ANKS1B: variants seen among roughly 807,000 people sequenced by gnomAD.
The protein encoded by ANKS1B is ankyrin repeat and sterile alpha motif domain-containing protein 1B.
Under a neutral mutation model 148.3 loss-of-function variants are expected in ANKS1B, and 36 were observed. The observed-to-expected ratio is 0.24, with a 90% confidence interval of 0.19 to 0.32. The LOEUF (loss-of-function observed/expected upper bound fraction) is 0.32. Ranked by LOEUF, ANKS1B falls within the 10% of genes least tolerant of loss-of-function variation. ANKS1B has a pLI of 1.00. For missense variants in ANKS1B, 1,157 were observed against 1,542.6 expected (o/e 0.75, Z 4.19); for synonymous variants, 542 against 560.8 (o/e 0.97, Z 0.47).
At chr12:98,939,338 A>G (rs1350089887) in intron 17 of ANKS1B, among the ~76,000 whole-genome samples, 1 of 152,222 alleles carries the variant, frequency 6.6e-6, no homozygotes, top group African/African-American at 2.4e-5. Flanking sequence ...TAATTTGGGC[A>G]TTGCTGCTCT....
intron 17 of ANKS1B, among the ~76,000 whole-genome samples, chr12:99,031,390 C>T (rs895185236): frequency 2.6e-5 from 4 of 152,172 alleles, no homozygotes; most frequent in Admixed American, 1.3e-4. Flanking sequence ...ACAGATGTTA[C>T]CAGTTGGCCA....
At chr12:99,326,921 A>C (rs1368940809) in intron 12 of ANKS1B, among the ~76,000 whole-genome samples, 1 of 147,888 alleles carries the variant, frequency 6.8e-6, no homozygotes, top group East Asian at 1.9e-4. Flanking sequence ...AACATATATA[A>C]AATATAAAGT....
At chr12:99,270,027 C>T (rs1388386553) in intron 12 of ANKS1B, among the ~76,000 whole-genome samples, 2 of 152,032 alleles carry the variant, frequency 1.3e-5, no homozygotes, top group Non-Finnish European at 2.9e-5. Flanking sequence ...AAAAAGATAG[C>T]AACAATATTA....
chr12:99,648,768 G>T (rs2098398457), intron 9 of ANKS1B: 1 of 1,612,162 alleles, frequency 6.2e-7, no homozygotes, highest in South Asian at 1.1e-5. Context: ...CTGTGTTGGA[G>T]GAAGTGCAGA....
chr12:99,173,592 C>T (rs1209924312), intron 14 of ANKS1B, among the ~76,000 whole-genome samples: 2 of 151,994 alleles, frequency 1.3e-5, no homozygotes, highest in Non-Finnish European at 2.9e-5. Context: ...AATTAACAGA[C>T]TAAAATATAT....
intron 8 of ANKS1B, among the ~76,000 whole-genome samples, chr12:99,714,873 C>A (rs1355304324): frequency 6.6e-6 from 1 of 151,710 alleles, no homozygotes; most frequent in Admixed American, 6.6e-5. Flanking sequence ...AATCCCAGCA[C>A]TTTGGGAAGC....
At chr12:99,647,917 C>A (rs1376600434) in intron 9 of ANKS1B, 2 of 471,896 alleles carry the variant, frequency 4.2e-6, no homozygotes, top group Non-Finnish European at 7.5e-6. Context: ...AGGGCCCCAA[C>A]ACCTGTGCTC....
chr12:99,695,187 A>G (rs2053705661), intron 8 of ANKS1B, among the ~76,000 whole-genome samples: 1 of 141,302 alleles, frequency 7.1e-6, no homozygotes, highest in Non-Finnish European at 1.5e-5. Context: ...GAAGTAGCCT[A>G]TAGAAGTTGA....
At chr12:99,020,229 C>T (rs1598538000) in intron 17 of ANKS1B, among the ~76,000 whole-genome samples, 1 of 152,174 alleles carries the variant, frequency 6.6e-6, no homozygotes, top group Non-Finnish European at 1.5e-5. Context: ...TGAAACTGTA[C>T]CCATTAAACA....
chr12:99,726,177 C>CA (rs992374659), intron 8 of ANKS1B, among the ~76,000 whole-genome samples: 9 of 151,768 alleles, frequency 5.9e-5, no homozygotes, highest in South Asian at 2.1e-4. Flanking sequence ...AAAAAACCCT[C>CA]AAAAAAATCA....
intron 8 of ANKS1B, among the ~76,000 whole-genome samples, chr12:99,713,847 T>C (rs2056953346): frequency 6.6e-6 from 1 of 152,174 alleles, no homozygotes; most frequent in Non-Finnish European, 1.5e-5. Flanking sequence ...TTCCAGCCTC[T>C]TCCCACTGGA....
At chr12:99,453,562 A>C (rs955791407) in intron 10 of ANKS1B, among the ~76,000 whole-genome samples, 1 of 152,208 alleles carries the variant, frequency 6.6e-6, no homozygotes, top group Non-Finnish European at 1.5e-5. Flanking sequence ...AGCCCCAGTC[A>C]AGCCTTGAAA....
At chr12:98,886,009 G>T (rs1265588695) in intron 17 of ANKS1B, among the ~76,000 whole-genome samples, 1 of 152,072 alleles carries the variant, frequency 6.6e-6, no homozygotes, top group African/African-American at 2.4e-5. Flanking sequence ...GAGGCAGGAG[G>T]AGGGAAAAGA....
At chr12:99,474,693 T>C (rs1188289796) in intron 10 of ANKS1B, among the ~76,000 whole-genome samples, 2 of 152,132 alleles carry the variant, frequency 1.3e-5, no homozygotes, top group Non-Finnish European at 1.5e-5. Flanking sequence ...GAATACTATA[T>C]AATGACAAAC....
chr12:99,366,895 C>A (rs1157203458), intron 12 of ANKS1B, among the ~76,000 whole-genome samples: 1 of 152,004 alleles, frequency 6.6e-6, no homozygotes, highest in East Asian at 1.9e-4. Context: ...AATCAGAGGA[C>A]AAATCACAAA....
intron 2 of ANKS1B, among the ~76,000 whole-genome samples, chr12:99,817,227 C>CT (rs938786570): frequency 1.7e-4 from 25 of 150,540 alleles, no homozygotes; most frequent in African/African-American, 5.1e-4. Flanking sequence ...ATGAGATCCC[C>CT]TTTTTTTTAG....
intron 2 of ANKS1B, among the ~76,000 whole-genome samples, chr12:99,821,061 A>G (rs990805893): frequency 4.6e-5 from 7 of 152,026 alleles, no homozygotes; most frequent in Admixed American, 3.3e-4. Context: ...GAAATTCCCA[A>G]TTTCAGAACT....
intron 15 of ANKS1B, among the ~76,000 whole-genome samples, chr12:99,124,836 T>C (rs1440457279): frequency 6.6e-6 from 1 of 152,180 alleles, no homozygotes. Context: ...AAGGAATTTA[T>C]CAGTTAAGTC....
chr12:99,132,786 T>C (rs1288205070), intron 15 of ANKS1B, among the ~76,000 whole-genome samples: 1 of 152,162 alleles, frequency 6.6e-6, no homozygotes, highest in Non-Finnish European at 1.5e-5. Context: ...GTTATCAATA[T>C]CCACCTCAAA....
Sources: allele counts gnomAD v4.1 joint callset (sites outside exome capture counted in the v4.1 genomes callset), GRCh38; gene constraint gnomAD v4.1.1; transcripts MANE v1.5; gene names NCBI Gene and HGNC (gene_info 2026-07-23, HGNC 2026-07-21).